BBX: variants seen among roughly 807,000 people sequenced by gnomAD.
BBX encodes the protein BBX high mobility group box domain containing.
BBX carries 30 observed loss-of-function variants against 100.2 expected under a neutral mutation model. That is an observed-to-expected ratio of 0.30 (90% CI 0.22 to 0.41). The LOEUF (loss-of-function observed/expected upper bound fraction) is 0.41, where lower values mean the gene tolerates loss of function less well. Ranked by LOEUF, BBX falls within the 10% of genes least tolerant of loss-of-function variation. The pLI is 1.00. For synonymous variants in BBX, 376 were observed against 388.1 expected (o/e 0.97, Z 0.37); for missense variants, 1,023 against 1,129.8 (o/e 0.91, Z 1.35).
rs1028958131 is a variant in BBX at position 107,528,929 on chromosome 3, G to A, written c.-84+2531G>A. ...CATAAAGAACATGGGTAAAAGCAAGGGGTATATTTTTAAGTAGATCTTGTC... is the reference window on the plus strand; with the variant it reads ...CATAAAGAACATGGGTAAAAGCAAGAGGTATATTTTTAAGTAGATCTTGTC... On this transcript the variant is annotated intron_variant, in intron 2 of 17. Coordinates refer to ENST00000325805, the MANE Select transcript of BBX (RefSeq NM_001142568.3). 5.3e-5 allele frequency among the ~76,000 whole-genome samples: 8 copies of A among 152,110 alleles called. No homozygotes were observed. The East Asian group carries it at 5.8e-4, about 11-fold the overall frequency.
chr3:107,678,134 C>G (rs2059382457), intron 3 of BBX, among the ~76,000 whole-genome samples: 2 of 151,852 alleles, frequency 1.3e-5, no homozygotes. Flanking sequence ...TCCCACTTAT[C>G]TTCAGTGTCT....
At chr3:107,734,025 A>G (rs967382932) in intron 7 of BBX, among the ~76,000 whole-genome samples, 3 of 152,158 alleles carry the variant, frequency 2.0e-5, no homozygotes, top group Non-Finnish European at 4.4e-5. Context: ...TCAATCCCCA[A>G]CCAGAATTGT....
At chr3:107,629,427 A>T (rs1029043225) in intron 2 of BBX, among the ~76,000 whole-genome samples, 3 of 152,208 alleles carry the variant, frequency 2.0e-5, no homozygotes, top group African/African-American at 7.2e-5. Context: ...AGTACCCATT[A>T]TGCACATGAT....
At chr3:107,537,101 G>A (rs2048549945) in intron 2 of BBX, among the ~76,000 whole-genome samples, 1 of 152,148 alleles carries the variant, frequency 6.6e-6, no homozygotes, top group Non-Finnish European at 1.5e-5. Context: ...TATTTAAATA[G>A]TAGTTCATCC....
At chr3:107,593,117 CTAA>C (rs1401158345) in intron 2 of BBX, among the ~76,000 whole-genome samples, 1 of 152,160 alleles carries the variant, frequency 6.6e-6, no homozygotes, top group East Asian at 1.9e-4. Flanking sequence ...TGTGGCAGTT[CTAA>C]TAACAGGAGT....
intron 7 of BBX, among the ~76,000 whole-genome samples, chr3:107,737,884 GTTTTTT>G (rs1156396951): frequency 2.5e-3 from 122 of 48,904 alleles, no homozygotes; most frequent in African/African-American, 9.8e-3. Context: ...CAGAGTTCCA[GTTTTTT>G]TTTTTTTTTT....
intron 2 of BBX, among the ~76,000 whole-genome samples, chr3:107,616,338 G>A (rs1170807728): frequency 6.6e-6 from 1 of 151,918 alleles, no homozygotes; most frequent in Non-Finnish European, 1.5e-5. Context: ...AAAGCATTTT[G>A]GACATTTTGG....
At chr3:107,758,618 A>G (rs751965493) in intron 10 of BBX, among the ~76,000 whole-genome samples, 17 of 152,052 alleles carry the variant, frequency 1.1e-4, no homozygotes, top group Non-Finnish European at 2.1e-4. Context: ...TACTGTCGGG[A>G]AAAAGCCTGT....
chr3:107,712,884 G>A (rs887810990), intron 4 of BBX, among the ~76,000 whole-genome samples: 122 of 152,140 alleles, frequency 8.0e-4, no homozygotes, highest in African/African-American at 2.8e-3. Flanking sequence ...TATTGGGGGA[G>A]GGATTAAAGT....
Position 107,526,362 on chromosome 3 carries a change from A to T in BBX, c.-120A>T, listed in dbSNP as rs546373207. The T allele has an allele frequency of 2.5e-6, 1 of 398,680 alleles. No homozygotes were observed. Among genetic ancestry groups the T allele is most frequent in the African/African-American group, 2.1e-5 (1 of 48,752 alleles). The allele number at this position is 398,680 out of a possible 1,614,324, so 24.7% of individuals were successfully genotyped here. A position where few individuals can be genotyped will look rare whatever the true frequency, so the allele number is the denominator to read the frequency against. ...TATGACAAAGGCTTTGCCGCAGTTC[A>T]TCTTCCTCCCTGTGTACTTTCCATT... On this transcript the variant is annotated 5_prime_UTR_variant, in exon 2 of 18. Coordinates refer to ENST00000325805, the MANE Select transcript of BBX (RefSeq NM_001142568.3).
intron 2 of BBX, among the ~76,000 whole-genome samples, chr3:107,535,106 T>A (rs1403223705): frequency 6.6e-6 from 1 of 152,252 alleles, no homozygotes; most frequent in Non-Finnish European, 1.5e-5. Flanking sequence ...TGGTAAGTGA[T>A]CATGCCAGGT....
At chr3:107,802,678 G>A (rs534589127) in intron 17 of BBX, among the ~76,000 whole-genome samples, 17 of 152,326 alleles carry the variant, frequency 1.1e-4, no homozygotes, top group South Asian at 2.1e-4. Flanking sequence ...TGTTCTAAGC[G>A]TGGTCACACC....
intron 5 of BBX, among the ~76,000 whole-genome samples, chr3:107,723,485 T>C (rs2062687981): frequency 6.6e-6 from 1 of 152,076 alleles, no homozygotes; most frequent in Admixed American, 6.6e-5. Flanking sequence ...TATGTATACA[T>C]GTGTCATGTT....
At chr3:107,547,525 C>A (rs962783741) in intron 2 of BBX, among the ~76,000 whole-genome samples, 4 of 152,038 alleles carry the variant, frequency 2.6e-5, no homozygotes, top group Admixed American at 1.3e-4. Context: ...CTCACAGATT[C>A]CCATGAAACC....
At chr3:107,664,808 G>GAGT (rs1372594909) in intron 3 of BBX, among the ~76,000 whole-genome samples, 5 of 152,184 alleles carry the variant, frequency 3.3e-5, no homozygotes, top group African/African-American at 1.2e-4. Flanking sequence ...GATAGAGAAA[G>GAGT]AGTGACCCAC....
rs2069809699 is a variant in BBX at position 107,797,351 on chromosome 3, T to TTCTTCCAA, written c.2354-1172_2354-1171insTCTTCCAA. On this transcript the variant is annotated intron_variant, in intron 15 of 17. Coordinates refer to ENST00000325805, the MANE Select transcript of BBX (RefSeq NM_001142568.3). ...CTTTTCTTCCAAATATATATATATA[T>TTCTTCCAA]ATATATATATATAGCTTTATTGCCA... Among the ~76,000 whole-genome samples the TTCTTCCAA allele has an allele frequency of 4.0e-5, 5 of 124,000 alleles. 1 individual carries two copies. The highest frequency in any genetic ancestry group is 2.5e-4 in the Admixed American group (3 of 11,904). The allele number at this position is 124,000 out of a possible 152,430, so 81.3% of individuals were successfully genotyped here.
At chr3:107,616,425 A>AGTTTTT (rs559125863) in intron 2 of BBX, among the ~76,000 whole-genome samples, 37 of 152,154 alleles carry the variant, frequency 2.4e-4, no homozygotes, top group African/African-American at 6.7e-4. Flanking sequence ...GTGCATATTC[A>AGTTTTT]GTTTTTGTTT....
At chr3:107,622,467 C>T (rs2055849978) in intron 2 of BBX, among the ~76,000 whole-genome samples, 1 of 152,170 alleles carries the variant, frequency 6.6e-6, no homozygotes, top group East Asian at 1.9e-4. Flanking sequence ...GCATACATAT[C>T]CTGTACATGC....
chr3:107,734,202 T>A (rs2063498217), intron 7 of BBX, among the ~76,000 whole-genome samples: 1 of 151,782 alleles, frequency 6.6e-6, no homozygotes, highest in Non-Finnish European at 1.5e-5. Context: ...AAAAGGTTTT[T>A]ATTTTTTATA....
Sources: allele counts gnomAD v4.1 joint callset (sites outside exome capture counted in the v4.1 genomes callset), GRCh38; gene constraint gnomAD v4.1.1; transcripts MANE v1.5; gene names NCBI Gene and HGNC (gene_info 2026-07-23, HGNC 2026-07-21).